Variants in PCDHA4 observed in about 807,000 individuals in gnomAD.
PCDHA4 encodes the protein protocadherin alpha-4.
In PCDHA4, 49 loss-of-function variants were observed where a neutral mutation model predicts 61.4. The observed-to-expected ratio is 0.80, with a 90% CI of 0.63 to 1.01. The LOEUF is 1.01. PCDHA4 is among the 50% of genes least tolerant of loss of function. The pLI, the probability that PCDHA4 is intolerant of heterozygous loss-of-function variation, is 0.00. For synonymous variants in PCDHA4, 590 were observed against 550.3 expected, an observed-to-expected ratio of 1.07 and a Z score of -1.01; for missense variants, 1,254 against 1,235.8, an observed-to-expected ratio of 1.01 and a Z score of -0.22.
At chr5:140,968,288 C>G in intron 1 of PCDHA4, 2 of 1,613,976 alleles carry the variant, frequency 1.2e-6, no homozygotes, top group South Asian at 2.2e-5. Flanking sequence ...GACCTACTCC[C>G]TTCTGGAGAG....
intron 1 of PCDHA4, chr5:140,870,820 G>A (rs1554164732): frequency 6.2e-7 from 1 of 1,613,748 alleles, no homozygotes; most frequent in Non-Finnish European, 8.5e-7. Context: ...TGGCAGCGCG[G>A]GAGGCGCAGT....
rs115674887 is a variant in PCDHA4, at chr5:140,842,176, T to G, written c.2385+32604T>G. 1,504 of 1,613,900 alleles carry G rather than the reference T, an allele frequency of 9.3e-4. 22 individuals are homozygous for G. The African/African-American group carries it at 0.018, about 19-fold the overall frequency. ...TTTCATATTCTTTTAATAGCCTTGT[T>G]GAAACTATGGTTATTGACCACTTTA... On this transcript the variant is annotated intron_variant, in intron 1 of 3. Transcript: ENST00000530339.
intron 1 of PCDHA4, among the ~76,000 whole-genome samples, chr5:140,954,400 A>G (rs1349668578): frequency 6.6e-6 from 1 of 152,214 alleles, no homozygotes; most frequent in East Asian, 1.9e-4. Context: ...CAACCCCACC[A>G]ACAGGGTAAA....
chr5:140,885,465 C>T (rs1363216895), intron 1 of PCDHA4, among the ~76,000 whole-genome samples: 1 of 152,144 alleles, frequency 6.6e-6, no homozygotes, highest in Non-Finnish European at 1.5e-5. Context: ...TAATGATGGG[C>T]AATCACTTTG....
intron 1 of PCDHA4, chr5:140,843,376 C>G (rs1554140003): frequency 1.3e-6 from 2 of 1,595,956 alleles, no homozygotes; most frequent in Admixed American, 1.7e-5. Context: ...AGTCGGCTGG[C>G]GTTTTGGGTC....
chr5:140,876,063 G>T (rs1404065760), intron 1 of PCDHA4: 1 of 1,613,860 alleles, frequency 6.2e-7, no homozygotes, highest in East Asian at 2.2e-5. Flanking sequence ...TAGTTCTTCG[G>T]AAGTTATTGG....
intron 1 of PCDHA4, among the ~76,000 whole-genome samples, chr5:140,885,639 A>C (rs782628776): frequency 6.6e-6 from 1 of 152,184 alleles, no homozygotes; most frequent in Non-Finnish European, 1.5e-5. Flanking sequence ...TTGCCTTCCA[A>C]GTATTTTGGA....
intron 1 of PCDHA4, among the ~76,000 whole-genome samples, chr5:140,938,547 C>CTTTTA (rs59072362): frequency 0.32 from 48,749 of 151,290 alleles, 8,071 homozygotes; most frequent in East Asian, 0.53. Flanking sequence ...GATTTTTATC[C>CTTTTA]TTTTATTAAT....
chr5:140,968,564 G>C (rs565573880), intron 1 of PCDHA4: 1 of 1,614,168 alleles, frequency 6.2e-7, no homozygotes, highest in South Asian at 1.1e-5. Context: ...AACTGCCCCT[G>C]CTGGCTACCT....
Position 140,809,401 on chromosome 5 carries a change from G to T in PCDHA4, c.2214G>T (p.Thr738=). The part of the protein sequence containing the change: ...TEGACAPGKP[T]LVCSSAVGSW... ...GCGCGTGCGCTCCGGGCAAGCCCAC[G>T]CTGGTGTGCTCCAGTGCGGTGGGGA... is the stretch of plus-strand genomic sequence containing the variant. Residue 738 remains threonine (T), a synonymous_variant, in exon 1 of 4, where the codon ACG becomes ACT. Coordinates refer to ENST00000530339, the MANE Select transcript of PCDHA4 (RefSeq NM_018907.4). The T allele has an allele frequency of 1.9e-6, 3 of 1,614,182 alleles. No homozygotes were observed. Among genetic ancestry groups the T allele is most frequent in the Non-Finnish European group, 2.5e-6 (3 of 1,179,998 alleles).
intron 3 of PCDHA4, among the ~76,000 whole-genome samples, chr5:140,990,798 A>G (rs1554251753): frequency 6.6e-6 from 1 of 152,208 alleles, no homozygotes; most frequent in Admixed American, 6.5e-5. Context: ...ACCATGGAAT[A>G]CAGAAGAAGC....
chr5:140,880,736 T>C (rs1554171410), intron 1 of PCDHA4, among the ~76,000 whole-genome samples: 4 of 152,068 alleles, frequency 2.6e-5, no homozygotes, highest in Non-Finnish European at 5.9e-5. Context: ...ATAGAGAAAA[T>C]GGATTGTCAG....
chr5:140,823,431 G>A, intron 1 of PCDHA4: 1 of 1,613,396 alleles, frequency 6.2e-7, no homozygotes, highest in Non-Finnish European at 8.5e-7. Context: ...CGCTGCAGGT[G>A]TTCGTGCTGG....
Position 140,985,739 on chromosome 5 carries a change from C to CTT in PCDHA4, c.2533+3195_2533+3196dup, listed in dbSNP as rs11372071. 6.5e-3 allele frequency among the ~76,000 whole-genome samples: 761 copies of CTT among 117,902 alleles called. 21 individuals carry two copies. The highest frequency in any genetic ancestry group is 0.054 in the East Asian group (218 of 4,012). The allele number at this position is 117,902 out of a possible 152,430, so 77.3% of individuals were successfully genotyped here. On this transcript the variant is annotated intron_variant, in intron 3 of 3. Transcript: ENST00000530339. ...TTATTTTTCCTTCACTGATGAATTC[C>CTT]TTTTTTTTTTTTTTTTTTTTGAGAC...
At chr5:140,967,464 G>T (rs781900904) in intron 1 of PCDHA4, 1 of 1,613,504 alleles carries the variant, frequency 6.2e-7, no homozygotes, top group Non-Finnish European at 8.5e-7. Context: ...GTGGATGGGG[G>T]CATCCCAGCC....
chr5:140,936,545 G>A (rs1456098221), intron 1 of PCDHA4, among the ~76,000 whole-genome samples: 1 of 152,202 alleles, frequency 6.6e-6, no homozygotes, highest in African/African-American at 2.4e-5. Context: ...ATAGTGCAAT[G>A]TAGAAGTCAA....
intron 1 of PCDHA4, chr5:140,824,161 T>G: frequency 9.3e-6 from 15 of 1,610,948 alleles, no homozygotes; most frequent in Non-Finnish European, 1.2e-5. Flanking sequence ...CATCTTTCCC[T>G]CCCAATTTTC....
intron 1 of PCDHA4, chr5:140,884,340 C>G (rs1480799859): frequency 1.2e-6 from 2 of 1,613,772 alleles, no homozygotes; most frequent in South Asian, 1.1e-5. Flanking sequence ...GGTCCAGAAG[C>G]GGCGCTGGTG....
chr5:140,844,542 G>T (rs1779426877), intron 1 of PCDHA4, among the ~76,000 whole-genome samples: 1 of 149,020 alleles, frequency 6.7e-6, no homozygotes, highest in Admixed American at 6.7e-5. Flanking sequence ...TCAACCCTTT[G>T]TTCATGAGTT....
Sources: allele counts gnomAD v4.1 joint callset (sites outside exome capture counted in the v4.1 genomes callset), GRCh38; gene constraint gnomAD v4.1.1; transcripts MANE v1.5; gene names NCBI Gene and HGNC (gene_info 2026-07-23, HGNC 2026-07-21).